Variants in CTPS2 observed in about 807,000 individuals in gnomAD.
CTPS2 encodes the protein CTP synthase II.
In CTPS2, 19 loss-of-function variants were observed where a neutral mutation model predicts 46.8. The ratio of observed to expected loss-of-function variants is 0.41; its 90% CI spans 0.28 to 0.60. The LOEUF is 0.60. CTPS2 is among the 20% of genes least tolerant of loss of function. CTPS2 has a pLI of 0.35. For synonymous variants in CTPS2, 151 were observed against 165.2 expected (o/e 0.91, Z 0.66); for missense variants, 286 against 447.6 (o/e 0.64, Z 3.26).
At chrX:16,654,529 C>A in intron 13 of CTPS2, 1 of 994,233 alleles carries the variant, frequency 1.0e-6, no homozygotes, top group Non-Finnish European at 1.4e-6. Flanking sequence ...CAAAATAGAA[C>A]CCTGAGCACT....
At chrX:16,683,265 A>G (rs1183656832) in intron 8 of CTPS2, 39 bp from the exon 9 acceptor site, 4 of 1,181,640 alleles carry the variant, frequency 3.4e-6, no homozygotes, top group African/African-American at 1.8e-5. Flanking sequence ...TATGCACATA[A>G]CAGAACATCA....
chrX:16,633,653 A>G (rs1414890181), intron 14 of CTPS2, among the ~76,000 whole-genome samples: 1 of 112,184 alleles, frequency 8.9e-6, no homozygotes, highest in Non-Finnish European at 1.9e-5. Flanking sequence ...AAGACTTCAG[A>G]CCTGGGCACT....
chrX:16,599,634 G>A lies in CTPS2; in HGVS notation c.1692-8772C>T, dbSNP rs5936151. Among the ~76,000 whole-genome samples, 955 of 109,600 alleles carry A rather than the reference G, an allele frequency of 8.7e-3. 4 individuals carry two copies. The highest frequency in any genetic ancestry group is 0.014 in the Non-Finnish European group (734 of 52,633). ...TGGGATTACAGGCATGTGCCACCAC[G>A]TCTGGCTAATTTTGTATTTTTAGTA... is the stretch of plus-strand genomic sequence containing the variant. On this transcript the variant is annotated intron_variant, in intron 17 of 18. Coordinates refer to ENST00000359276, the MANE Select transcript of CTPS2 (RefSeq NM_175859.3).
intron 10 of CTPS2, among the ~76,000 whole-genome samples, chrX:16,675,903 C>T: frequency 8.9e-6 from 1 of 111,996 alleles, no homozygotes; most frequent in Non-Finnish European, 1.9e-5. Flanking sequence ...ATATTTTTTA[C>T]TTTGCTTAAA....
intron 10 of CTPS2, among the ~76,000 whole-genome samples, chrX:16,673,432 C>A (rs10126950): frequency 4.9e-4 from 54 of 110,940 alleles, no homozygotes; most frequent in African/African-American, 1.7e-3. Flanking sequence ...TGTGGCAGTA[C>A]TTTCTCTTGG....
chrX:16,667,479 A>G (rs1176872363), intron 13 of CTPS2, 35 bp downstream of exon 13: 3 of 1,200,405 alleles, frequency 2.5e-6, no homozygotes, highest in Non-Finnish European at 3.4e-6. Context: ...CCAAGTGACA[A>G]TGACTGGACC....
chrX:16,671,906 G>A (rs1308236838), intron 10 of CTPS2, among the ~76,000 whole-genome samples: 2 of 111,244 alleles, frequency 1.8e-5, no homozygotes, highest in Non-Finnish European at 3.8e-5. Context: ...CCAATTGGCT[G>A]ACTTTGGGTA....
intron 17 of CTPS2, among the ~76,000 whole-genome samples, chrX:16,594,983 T>C (rs1338914996): frequency 8.9e-6 from 1 of 112,949 alleles, no homozygotes; most frequent in Non-Finnish European, 1.9e-5. Flanking sequence ...GCACATGCAA[T>C]AAAATGTGAG....
At chrX:16,640,721 A>T (rs1356789924) in intron 13 of CTPS2, among the ~76,000 whole-genome samples, 2 of 111,487 alleles carry the variant, frequency 1.8e-5, no homozygotes, top group Non-Finnish European at 3.8e-5. Flanking sequence ...GGGTGAGTCG[A>T]CCTGTTCTAA....
At chrX:16,668,809 GGAAGGAAA>G (rs1569221497) in intron 11 of CTPS2, among the ~76,000 whole-genome samples, 6 of 106,826 alleles carry the variant, frequency 5.6e-5, no homozygotes, top group Non-Finnish European at 1.2e-4. Flanking sequence ...AAGGAAGGAA[GGAAGGAAA>G]GAAGGAAAGA....
At chrX:16,676,256 G>A (rs1286400474) in intron 10 of CTPS2, among the ~76,000 whole-genome samples, 3 of 111,615 alleles carry the variant, frequency 2.7e-5, no homozygotes, top group African/African-American at 9.8e-5. Flanking sequence ...TACAAGCCCC[G>A]TGGGAAAACT....
chrX:16,659,368 G>A (rs59750736), intron 13 of CTPS2, among the ~76,000 whole-genome samples: 1,882 of 111,426 alleles, frequency 0.017, 43 homozygotes, highest in African/African-American at 0.058. Context: ...ACTGGGCTCT[G>A]TAGAAAGAAC....
intron 7 of CTPS2, among the ~76,000 whole-genome samples, chrX:16,691,151 T>C (rs185329802): frequency 6.9e-4 from 77 of 112,084 alleles, no homozygotes; most frequent in Non-Finnish European, 1.2e-3. Flanking sequence ...ACCCCATCTC[T>C]ACTAAAAATA....
chrX:16,651,522 G>T (rs1453594096), intron 13 of CTPS2, among the ~76,000 whole-genome samples: 2 of 112,070 alleles, frequency 1.8e-5, no homozygotes, highest in African/African-American at 3.2e-5. Context: ...GCTGGCCTTG[G>T]ACAGGCTTCA....
At chrX:16,709,613 G>A (rs1438217322) in intron 1 of CTPS2, among the ~76,000 whole-genome samples, 1 of 110,371 alleles carries the variant, frequency 9.1e-6, no homozygotes, top group Non-Finnish European at 1.9e-5. Context: ...CACTTTGGGA[G>A]GCCAAGGCGG....
At chrX:16,606,739 T>C (rs1300036026) in intron 17 of CTPS2, among the ~76,000 whole-genome samples, 1 of 110,837 alleles carries the variant, frequency 9.0e-6, no homozygotes, top group Non-Finnish European at 1.9e-5. Flanking sequence ...TAGCAATCAG[T>C]CAGTTTTTTC....
At chrX:16,593,618 G>A (rs995132347) in intron 17 of CTPS2, among the ~76,000 whole-genome samples, 2 of 103,127 alleles carry the variant, frequency 1.9e-5, no homozygotes, top group Admixed American at 2.2e-4. Flanking sequence ...TAGGCAAAAA[G>A]ACAATCTGTT....
chrX:16,620,115 G>A (rs772884567), intron 15 of CTPS2, among the ~76,000 whole-genome samples, 162 bp downstream of exon 15: 5 of 108,328 alleles, frequency 4.6e-5, no homozygotes, highest in East Asian at 3.0e-4. Flanking sequence ...TCCCCTCGCC[G>A]CCCATCTCCT....
intron 13 of CTPS2, chrX:16,651,214 C>T (rs1396542175): frequency 3.0e-6 from 3 of 989,768 alleles, no homozygotes; most frequent in Admixed American, 4.7e-5. Context: ...GAGAGGACTC[C>T]GGTAGAGCCT....
Sources: allele counts gnomAD v4.1 joint callset (sites outside exome capture counted in the v4.1 genomes callset), GRCh38; gene constraint gnomAD v4.1.1; transcripts MANE v1.5; gene names NCBI Gene and HGNC (gene_info 2026-07-23, HGNC 2026-07-21).